CCNJL: variants seen among roughly 807,000 people sequenced by gnomAD.
CCNJL encodes the protein cyclin-J-like protein.
CCNJL carries 33 observed loss-of-function variants against 33.4 expected under a neutral mutation model. The observed-to-expected ratio is 0.99, with a 90% CI of 0.75 to 1.32. CCNJL has a LOEUF of 1.32. Among genes scored for constraint, CCNJL ranks in the 40% most tolerant of loss-of-function variants. The pLI, the probability that CCNJL is intolerant of heterozygous loss-of-function variation, is 0.00. For missense variants in CCNJL, 512 were observed against 499.7 expected (o/e 1.02, Z -0.23); for synonymous variants, 227 against 220.9 (o/e 1.03, Z -0.24).
intron 2 of CCNJL, among the ~76,000 whole-genome samples, chr5:160,309,928 G>A (rs887850465): frequency 2.0e-5 from 3 of 152,088 alleles, no homozygotes; most frequent in Non-Finnish European, 2.9e-5. Flanking sequence ...AAACTCATAC[G>A]GCACTATGAC....
intron 3 of CCNJL, among the ~76,000 whole-genome samples, chr5:160,276,921 C>T (rs185227187): frequency 1.3e-5 from 2 of 152,066 alleles, no homozygotes; most frequent in Admixed American, 1.3e-4. Context: ...GTAGCTGAGA[C>T]TACAGGCATG....
chr5:160,258,101 C>T (rs1299241908), intron 4 of CCNJL, among the ~76,000 whole-genome samples: 1 of 152,100 alleles, frequency 6.6e-6, no homozygotes, highest in Non-Finnish European at 1.5e-5. Context: ...CCACCTCAGC[C>T]TCCCAAAGTG....
At chr5:160,274,113 T>G (rs935259914) in intron 3 of CCNJL, among the ~76,000 whole-genome samples, 5 of 152,170 alleles carry the variant, frequency 3.3e-5, no homozygotes, top group Non-Finnish European at 7.4e-5. Flanking sequence ...GATTTTTATT[T>G]TATTCTTTGG....
rs530635893 is a variant in CCNJL, at chr5:160,323,903, T to A, written n.207-8398A>T. ...ATTTTTCCCACCTTTGGACTCAGAT[T>A]GAAACATTGGCTCTTTCTGGGTTTC... On this transcript the variant is annotated intron_variant and non_coding_transcript_variant, in intron 1 of 7. Transcript: ENST00000377503. 7.5e-4 allele frequency among the ~76,000 whole-genome samples: 115 copies of A among 152,352 alleles called. 1 individual carries two copies. Among genetic ancestry groups the A allele is most frequent in the African/African-American group, 2.7e-3 (112 of 41,580 alleles).
At chr5:160,278,705 C>G (rs868577543) in intron 3 of CCNJL, among the ~76,000 whole-genome samples, 11 of 152,274 alleles carry the variant, frequency 7.2e-5, no homozygotes, top group Middle Eastern at 3.4e-3. Flanking sequence ...GACAGACACT[C>G]GGGGAGAGCT....
chr5:160,294,327 G>C (rs914810583), intron 2 of CCNJL, among the ~76,000 whole-genome samples: 1 of 152,162 alleles, frequency 6.6e-6, no homozygotes, highest in African/African-American at 2.4e-5. Context: ...TGTCACATAA[G>C]GCCAACAATG....
At chr5:160,334,405 T>C (rs1763657394) in intron 1 of CCNJL, among the ~76,000 whole-genome samples, 1 of 152,230 alleles carries the variant, frequency 6.6e-6, no homozygotes, top group Non-Finnish European at 1.5e-5. Context: ...TACAAATCCA[T>C]GCCGATGGCC....
intron 2 of CCNJL, among the ~76,000 whole-genome samples, chr5:160,293,609 A>G (rs1762656258): frequency 6.6e-6 from 1 of 151,998 alleles, no homozygotes; most frequent in Admixed American, 6.6e-5. Flanking sequence ...ACGCATGTCC[A>G]CTTCTCTCTC....
At chr5:160,300,066 C>G (rs1028482318) in intron 2 of CCNJL, among the ~76,000 whole-genome samples, 1 of 152,090 alleles carries the variant, frequency 6.6e-6, no homozygotes, top group African/African-American at 2.4e-5. Flanking sequence ...CCTCGTGTCC[C>G]CCCAACCCTT....
upstream of CCNJL, among the ~76,000 whole-genome samples, chr5:160,313,410 T>C (rs1019482821): frequency 6.6e-6 from 1 of 152,166 alleles, no homozygotes; most frequent in Non-Finnish European, 1.5e-5. Flanking sequence ...TAAACCAACC[T>C]GCTGAAAATT....
intron 2 of CCNJL, among the ~76,000 whole-genome samples, chr5:160,287,438 CCT>C (rs1404292540): frequency 1.3e-5 from 2 of 152,218 alleles, no homozygotes; most frequent in Non-Finnish European, 2.9e-5. Context: ...AGCTTGTTCC[CCT>C]CACTGGGAAA....
intron 2 of CCNJL, among the ~76,000 whole-genome samples, chr5:160,289,926 C>T (rs1006848664): frequency 4.6e-5 from 7 of 152,316 alleles, no homozygotes; most frequent in South Asian, 2.1e-4. Flanking sequence ...CCTGGGCCCA[C>T]GGCCAGATGT....
intron 2 of CCNJL, among the ~76,000 whole-genome samples, chr5:160,291,481 A>G (rs980554288): frequency 6.6e-6 from 1 of 152,204 alleles, no homozygotes; most frequent in Non-Finnish European, 1.5e-5. Flanking sequence ...GGCTGAATTT[A>G]TCCACAGGAC....
At chr5:160,265,530 C>G (rs1213300147) in intron 3 of CCNJL, among the ~76,000 whole-genome samples, 3 of 151,980 alleles carry the variant, frequency 2.0e-5, no homozygotes, top group Non-Finnish European at 4.4e-5. Flanking sequence ...CCCAGCTACT[C>G]AGGAGGCTAA....
At chr5:160,291,957 C>A (rs1762600888) in intron 2 of CCNJL, among the ~76,000 whole-genome samples, 1 of 152,148 alleles carries the variant, frequency 6.6e-6, no homozygotes, top group African/African-American at 2.4e-5. Context: ...ACTGGCCCGA[C>A]TTGGAAATGG....
rs1763269462 is a variant in CCNJL, at chr5:160,311,843, C to G, written c.66+15G>C. The stretch of plus-strand genomic sequence containing the variant: ...TACCCAGTCTTGAGAGTGACAAGGG[C>G]AGGGAGGGACTGACCTTCTCGCGCA... On this transcript the variant is annotated intron_variant, in intron 2 of 5. Coordinates refer to ENST00000257536, the MANE Select transcript of CCNJL (RefSeq NM_001308173.3). The G allele has an allele frequency of 1.2e-6, 2 of 1,612,216 alleles. No individual in the cohort carries two copies. The highest frequency in any genetic ancestry group is 1.1e-5 in the South Asian group (1 of 91,032).
At chr5:160,264,506 G>T (rs1241607570) in intron 3 of CCNJL, among the ~76,000 whole-genome samples, 1 of 151,670 alleles carries the variant, frequency 6.6e-6, no homozygotes, top group Non-Finnish European at 1.5e-5. Flanking sequence ...ATGAGGCCGT[G>T]GTGGCAAGAT....
At chr5:160,315,819 A>G (rs543389118), upstream of CCNJL, among the ~76,000 whole-genome samples, 2 of 152,366 alleles carry the variant, frequency 1.3e-5, no homozygotes, top group African/African-American at 2.4e-5. Context: ...CCATTCAACA[A>G]CAATGAACAG....
At chr5:160,324,627 G>GTCTGTCTATCTATCTATCTA (rs140137170) in intron 1 of CCNJL, among the ~76,000 whole-genome samples, 120 of 151,688 alleles carry the variant, frequency 7.9e-4, no homozygotes, top group African/African-American at 2.0e-3. Context: ...AAAACTGTCT[G>GTCTGTCTATCTATCTATCTA]TCTATCTATC....
Sources: allele counts gnomAD v4.1 joint callset (sites outside exome capture counted in the v4.1 genomes callset), GRCh38; gene constraint gnomAD v4.1.1; transcripts MANE v1.5; gene names NCBI Gene and HGNC (gene_info 2026-07-23, HGNC 2026-07-21).